The following KCNJ3 variants were observed in gnomAD, a reference collection of about 807,000 sequenced individuals.
KCNJ3 encodes the protein potassium inwardly rectifying channel subfamily J member 3.
In KCNJ3, 4 loss-of-function variants were observed where a neutral mutation model predicts 39.2. The observed-to-expected ratio is 0.10, with a 90% CI of 0.05 to 0.23. The LOEUF (loss-of-function observed/expected upper bound fraction) is 0.23. Among genes scored for constraint, KCNJ3 ranks in the 10% least tolerant of loss-of-function variants. The probability of loss-of-function intolerance (pLI) is 1.00; values close to 1 mark genes in which losing one functional copy is unlikely to be tolerated. For synonymous variants in KCNJ3, 230 were observed against 237.4 expected, an observed-to-expected ratio of 0.97 and a Z score of 0.29; for missense variants, 276 against 634.9, an observed-to-expected ratio of 0.43 and a Z score of 6.08.
At chr2:154,841,952 C>T (rs1687584493) in intron 2 of KCNJ3, among the ~76,000 whole-genome samples, 1 of 152,042 alleles carries the variant, frequency 6.6e-6, no homozygotes, top group Non-Finnish European at 1.5e-5. Flanking sequence ...CAGTTCTGCT[C>T]TGATCTTAGT....
At chr2:154,742,205 G>A (rs1685666241) in intron 2 of KCNJ3, among the ~76,000 whole-genome samples, 1 of 151,802 alleles carries the variant, frequency 6.6e-6, no homozygotes, top group South Asian at 2.1e-4. Flanking sequence ...GTTGTAGCAT[G>A]TGTCAGAATT....
intron 2 of KCNJ3, among the ~76,000 whole-genome samples, chr2:154,776,643 A>C (rs1686340394): frequency 6.6e-6 from 1 of 152,134 alleles, no homozygotes; most frequent in Non-Finnish European, 1.5e-5. Context: ...TAATTCAGTA[A>C]GGACAGATAA....
chr2:154,818,502 TC>T (rs1290527268), intron 2 of KCNJ3, among the ~76,000 whole-genome samples: 6 of 152,190 alleles, frequency 3.9e-5, no homozygotes, highest in African/African-American at 1.4e-4. Context: ...TCAAACATTT[TC>T]CTAAGTGTTT....
intron 2 of KCNJ3, among the ~76,000 whole-genome samples, chr2:154,820,963 T>C (rs1262917932): frequency 6.6e-6 from 1 of 152,188 alleles, no homozygotes; most frequent in African/African-American, 2.4e-5. Flanking sequence ...ATTTTCTCTT[T>C]CATTTGGTTT....
chr2:154,718,377 G>A (rs1372982828), intron 2 of KCNJ3, among the ~76,000 whole-genome samples: 1 of 152,056 alleles, frequency 6.6e-6, no homozygotes, highest in African/African-American at 2.4e-5. Context: ...GAAATTTTCT[G>A]CAGACTTATG....
chr2:154,783,320 T>G (rs1686472760), intron 2 of KCNJ3, among the ~76,000 whole-genome samples: 1 of 152,218 alleles, frequency 6.6e-6, no homozygotes, highest in Non-Finnish European at 1.5e-5. Context: ...TTTGCATAAC[T>G]CAGGTTTTTA....
intron 2 of KCNJ3, among the ~76,000 whole-genome samples, chr2:154,766,367 A>G (rs923546702): frequency 1.1e-4 from 17 of 152,250 alleles, no homozygotes; most frequent in Admixed American, 5.2e-4. Flanking sequence ...TGTGACCTGT[A>G]GAATATATGG....
chr2:154,731,946 T>C (rs1231599348), intron 2 of KCNJ3, among the ~76,000 whole-genome samples: 1 of 152,084 alleles, frequency 6.6e-6, no homozygotes, highest in East Asian at 1.9e-4. Flanking sequence ...TTCATTACGA[T>C]GTGCCAGGGA....
intron 2 of KCNJ3, among the ~76,000 whole-genome samples, chr2:154,725,953 A>G (rs528214160): frequency 6.6e-6 from 1 of 152,214 alleles, no homozygotes; most frequent in Non-Finnish European, 1.5e-5. Flanking sequence ...TTTTACAAAA[A>G]TCAACTCAGA....
rs1687816008 is a variant in KCNJ3, at chr2:154,855,174, C to T, written c.1367C>T (p.Thr456Ile). 1.2e-6 allele frequency: 2 copies of T among 1,613,940 alleles called. No individual in the cohort carries two copies. Among genetic ancestry groups the T allele is most frequent in the Non-Finnish European group, 1.7e-6 (2 of 1,179,942 alleles). ...GAAGAAAAACTGGTATCTAAAACCA[C>T]CAAGATGTTATCTGATCCCATGAGC... ...NSEEKLVSKTTKMLSDPMSQS... is the reference protein window; with the variant it reads ...NSEEKLVSKTIKMLSDPMSQS... Residue 456 changes from threonine to isoleucine, a missense_variant, in exon 3 of 3, where the codon ACC (threonine) becomes ATC (isoleucine). Thr to Ile is a moderately conservative substitution (Grantham distance 89). This residue lies in a region of KCNJ3 where 126 missense variants were observed against 179.8 expected (regional missense o/e 0.70). Coordinates refer to ENST00000295101, the MANE Select transcript of KCNJ3 (RefSeq NM_002239.4).
At chr2:154,703,238 T>C (rs1040715046) in intron 1 of KCNJ3, among the ~76,000 whole-genome samples, 3 of 152,038 alleles carry the variant, frequency 2.0e-5, no homozygotes, top group Non-Finnish European at 4.4e-5. Context: ...AAAGTAAACA[T>C]AAAATAAACT....
chr2:154,855,731 CTGTGTG>C lies in KCNJ3; in HGVS notation c.*428_*433del, dbSNP rs552120206. 6.4e-6 allele frequency: 1 copy of C among 155,626 alleles called. No individual in the cohort carries two copies. Among genetic ancestry groups the C allele is most frequent in the Non-Finnish European group, 1.4e-5 (1 of 70,204 alleles). 9.6% of individuals were successfully genotyped at this position (155,626 alleles called of 1,614,324 possible). A position where few individuals can be genotyped will look rare whatever the true frequency, so the allele number is the denominator to read the frequency against. The stretch of plus-strand genomic sequence containing the variant: ...CAGGGCGATAAAACTAAATATATGT[CTGTGTG>C]TGTGTGTGTATGTATACACACATAT... On this transcript the variant is annotated 3_prime_UTR_variant, in exon 3 of 3. Coordinates refer to ENST00000295101, the MANE Select transcript of KCNJ3 (RefSeq NM_002239.4).
intron 2 of KCNJ3, among the ~76,000 whole-genome samples, 167 bp from the exon 3 acceptor site, chr2:154,854,546 GAAAGTATATGTATC>G (rs1219209309): frequency 6.6e-5 from 10 of 152,094 alleles, no homozygotes; most frequent in Admixed American, 6.5e-5. Context: ...TTTGTTGAAA[GAAAGTATATGTATC>G]AAAGCTATTA....
At chr2:154,757,250 T>C (rs141619208) in intron 2 of KCNJ3, among the ~76,000 whole-genome samples, 319 of 152,252 alleles carry the variant, frequency 2.1e-3, no homozygotes, top group Admixed American at 3.7e-3. Context: ...TTTTTCAAGA[T>C]GAGCAACTAA....
chr2:154,834,005 T>C (rs1047397239), intron 2 of KCNJ3, among the ~76,000 whole-genome samples: 6 of 152,320 alleles, frequency 3.9e-5, no homozygotes, highest in Admixed American at 3.3e-4. Context: ...TGTGCAGATT[T>C]TTGCATGGAC....
chr2:154,746,241 T>C (rs1201533865), intron 2 of KCNJ3, among the ~76,000 whole-genome samples: 1 of 152,038 alleles, frequency 6.6e-6, no homozygotes, highest in Non-Finnish European at 1.5e-5. Flanking sequence ...GTTAATTGAC[T>C]GTTAAAGTTA....
intron 2 of KCNJ3, among the ~76,000 whole-genome samples, chr2:154,824,045 T>C (rs1687227426): frequency 1.3e-5 from 2 of 152,076 alleles, no homozygotes; most frequent in African/African-American, 4.8e-5. Context: ...AATTACCCTA[T>C]ACTTAGGCCT....
intron 2 of KCNJ3, among the ~76,000 whole-genome samples, chr2:154,787,623 C>T (rs756046663): frequency 1.4e-4 from 21 of 151,876 alleles, no homozygotes; most frequent in Non-Finnish European, 2.6e-4. Flanking sequence ...CAACAAGTAG[C>T]AATTAATACA....
At chr2:154,812,771 G>T (rs374440881) in intron 2 of KCNJ3, among the ~76,000 whole-genome samples, 4 of 151,908 alleles carry the variant, frequency 2.6e-5, no homozygotes, top group African/African-American at 9.7e-5. Context: ...CTCCTATAAC[G>T]AGGTTAAAAA....
Sources: gnomAD v4.1 joint callset for allele counts (sites outside exome capture counted in the v4.1 genomes callset) on GRCh38, gnomAD v4.1.1 for gene constraint, gnomAD v4.1.1 regional missense constraint, MANE v1.5 for transcripts, NCBI Gene and HGNC (gene_info 2026-07-23, HGNC 2026-07-21) for gene names.